The following TANC2 variants were observed in gnomAD, a reference collection of about 807,000 sequenced individuals.
TANC2 encodes tetratricopeptide repeat, ankyrin repeat and coiled-coil containing 2, also known as protein TANC2.
Under a neutral mutation model 210.5 loss-of-function variants are expected in TANC2, and 26 were observed. The observed-to-expected ratio is 0.12, with a 90% CI of 0.09 to 0.17. TANC2 has a LOEUF of 0.17. TANC2 is among the 10% of genes least tolerant of loss of function. The pLI is 1.00. For synonymous variants in TANC2, 931 were observed against 967.1 expected (o/e 0.96, Z 0.69); for missense variants, 2,129 against 2,608.9 (o/e 0.82, Z 4.01).
intron 5 of TANC2, among the ~76,000 whole-genome samples, chr17:63,187,174 A>G (rs1466909722): frequency 6.6e-6 from 1 of 152,192 alleles, no homozygotes; most frequent in Non-Finnish European, 1.5e-5. Flanking sequence ...ATGCCTGGCA[A>G]TATGGTGAGA....
chr17:63,231,199 A>C (rs1468152444), intron 7 of TANC2, among the ~76,000 whole-genome samples: 2 of 151,950 alleles, frequency 1.3e-5, no homozygotes, highest in Non-Finnish European at 2.9e-5. Context: ...CAGCATACCA[A>C]GGGGTCTTTA....
At chr17:63,021,103 T>C (rs370178106) in intron 2 of TANC2, among the ~76,000 whole-genome samples, 1 of 152,140 alleles carries the variant, frequency 6.6e-6, no homozygotes, top group South Asian at 2.1e-4. Context: ...AGGGGACAAA[T>C]ATCCAAACCA....
At chr17:62,982,133 T>C (rs1362657693) in intron 1 of TANC2, among the ~76,000 whole-genome samples, 2 of 152,230 alleles carry the variant, frequency 1.3e-5, no homozygotes, top group South Asian at 2.1e-4. Context: ...TCTTTAATTA[T>C]GTGGCTGGGT....
At chr17:63,167,443 T>C (rs980805264) in intron 5 of TANC2, among the ~76,000 whole-genome samples, 2 of 152,148 alleles carry the variant, frequency 1.3e-5, no homozygotes, top group African/African-American at 2.4e-5. Flanking sequence ...GTGAATGTTA[T>C]TTTCTTTTGT....
Position 63,420,672 on chromosome 17 carries a change from T to G in TANC2, c.4942T>G (p.Tyr1648Asp), listed in dbSNP as rs1441015451. Reference sequence around the variant, plus strand: ...ATCCCAGTCTGGTTCACCCGTGCGCTATCAGCAGGAAACAAGCGTCAGTCA... The same window carrying G: ...ATCCCAGTCTGGTTCACCCGTGCGCGATCAGCAGGAAACAAGCGTCAGTCA... The change falls in exon 28 of 28, where the codon TAT becomes GAT. Residue 1648 changes from tyrosine (Y) to aspartate (D), a missense_variant. Around this residue, in one of 5 missense-constraint regions of TANC2, gnomAD observed 584 missense variants for 627.3 expected, o/e 0.93. Coordinates refer to ENST00000689528, the Ensembl canonical transcript of TANC2. The surrounding 1 kb of genome is among the most constrained non-coding windows in gnomAD (Gnocchi z 4.2). 6.2e-7 allele frequency: 1 copy of G among 1,613,574 alleles called. No homozygotes were observed. The highest frequency in any genetic ancestry group is 1.3e-5 in the African/African-American group (1 of 74,896).
chr17:63,030,865 C>G (rs1389593002), intron 2 of TANC2, among the ~76,000 whole-genome samples: 1 of 151,986 alleles, frequency 6.6e-6, no homozygotes, highest in African/African-American at 2.4e-5. Context: ...CAGTCTTTCT[C>G]ATACCAAGAG....
intron 4 of TANC2, among the ~76,000 whole-genome samples, chr17:63,115,894 T>C (rs945432983): frequency 6.6e-6 from 1 of 152,188 alleles, no homozygotes; most frequent in African/African-American, 2.4e-5. Flanking sequence ...TTAGTCCAAC[T>C]ACAGTCAAGA....
intron 15 of TANC2, 30 bp downstream of exon 15, chr17:63,379,856 G>C (rs8065950): frequency 0.5 from 784,561 of 1,560,438 alleles, 204,865 homozygotes; most frequent in African/African-American, 0.85. Context: ...CCATTTTTCC[G>C]CCATCTCTAG....
chr17:62,984,753 G>A (rs1461463252), intron 1 of TANC2, among the ~76,000 whole-genome samples: 1 of 151,778 alleles, frequency 6.6e-6, no homozygotes, highest in Non-Finnish European at 1.5e-5. Context: ...TTATTTCCAT[G>A]TGTTTGTATA....
At chr17:63,132,895 G>C (rs1226431938) in intron 4 of TANC2, among the ~76,000 whole-genome samples, 1 of 152,104 alleles carries the variant, frequency 6.6e-6, no homozygotes, top group Non-Finnish European at 1.5e-5. Context: ...GACTCACTTT[G>C]TTTTTAATTT....
chr17:63,374,348 C>A (rs1221363888), intron 14 of TANC2, among the ~76,000 whole-genome samples: 2 of 152,058 alleles, frequency 1.3e-5, no homozygotes, highest in East Asian at 3.8e-4. Context: ...ATTTTGAAAA[C>A]CTTAAGATAC....
At chr17:63,303,914 CG>C (rs1267282286) in intron 9 of TANC2, among the ~76,000 whole-genome samples, 3 of 151,762 alleles carry the variant, frequency 2.0e-5, no homozygotes, top group Non-Finnish European at 4.4e-5. Context: ...ACGAAGTTCT[CG>C]TGCTGTGTTT....
intron 7 of TANC2, among the ~76,000 whole-genome samples, chr17:63,201,258 G>C (rs960108207): frequency 6.6e-6 from 1 of 152,212 alleles, no homozygotes; most frequent in South Asian, 2.1e-4. Context: ...ACCAACAGAA[G>C]TAGTTCAGAA....
intron 4 of TANC2, among the ~76,000 whole-genome samples, chr17:63,132,648 T>A (rs1187282298): frequency 6.6e-6 from 1 of 152,206 alleles, no homozygotes; most frequent in East Asian, 1.9e-4. Flanking sequence ...CTAGCCAGAT[T>A]ATACCAGGGT....
At chr17:63,268,180 T>C (rs956887811) in intron 9 of TANC2, among the ~76,000 whole-genome samples, 1 of 152,220 alleles carries the variant, frequency 6.6e-6, no homozygotes, top group Non-Finnish European at 1.5e-5. Context: ...TCTAAGATCT[T>C]GGATTTCAGA....
intron 5 of TANC2, among the ~76,000 whole-genome samples, chr17:63,174,783 GAGA>G (rs1276611710): frequency 7.9e-5 from 12 of 152,192 alleles, no homozygotes; most frequent in Non-Finnish European, 1.6e-4. Flanking sequence ...GTGTTCAGAA[GAGA>G]AGGTCAGTGA....
In TANC2 at chr17:63,379,730, G is replaced by A. The variant is rs764651608; in HGVS notation, c.2595G>A (p.Thr865=). 2.0e-5 allele frequency: 33 copies of A among 1,611,048 alleles called. 1 individual carries two copies. In the Admixed American group the frequency reaches 3.9e-4, roughly 19 times the overall value. The change falls in exon 15 of 28, where the codon ACG becomes ACA. Residue 865 remains threonine (T), a synonymous_variant. Transcript: ENST00000689528. ...TCTTTTTTTGCAGGAGTGGTCACAC[G>A]TTACTTGCCTTCTGGTTTTCCCGCC... is the stretch of plus-strand genomic sequence containing the variant.
intron 7 of TANC2, among the ~76,000 whole-genome samples, chr17:63,233,231 T>C (rs1177313562): frequency 6.9e-6 from 1 of 145,826 alleles, no homozygotes; most frequent in Non-Finnish European, 1.5e-5. Flanking sequence ...GGGAACTCGG[T>C]AGTCTTAGGC....
intron 7 of TANC2, among the ~76,000 whole-genome samples, chr17:63,237,600 G>A (rs535239860): frequency 1.3e-5 from 2 of 152,116 alleles, no homozygotes; most frequent in African/African-American, 4.8e-5. Context: ...TCTAGTCTTA[G>A]GATTAAGTCT....
Sources: gnomAD v4.1 joint callset for allele counts (sites outside exome capture counted in the v4.1 genomes callset) on GRCh38, gnomAD v4.1.1 for gene constraint, gnomAD v4.1.1 regional missense constraint, Gnocchi (gnomAD v3.1) non-coding constraint, MANE v1.5 for transcripts, NCBI Gene and HGNC (gene_info 2026-07-23, HGNC 2026-07-21) for gene names.